The following ANKRD30B variants were observed in gnomAD, a reference collection of about 807,000 sequenced individuals.
ANKRD30B encodes ankyrin repeat domain-containing protein 30B.
A neutral mutation model predicts 202.2 loss-of-function variants in ANKRD30B; 144 were observed. The observed-to-expected ratio is 0.71, with a 90% CI of 0.62 to 0.82. The LOEUF (loss-of-function observed/expected upper bound fraction) is 0.82, where lower values mean the gene tolerates loss of function less well. ANKRD30B is among the 40% of genes least tolerant of loss of function. ANKRD30B has a pLI of 0.00. For missense variants in ANKRD30B, 1,487 were observed against 1,669.1 expected (o/e 0.89, Z 1.90); for synonymous variants, 508 against 561.3 (o/e 0.91, Z 1.34).
At chr18:14,797,298 T>C (rs1311035485) in intron 18 of ANKRD30B, among the ~76,000 whole-genome samples, 2 of 152,140 alleles carry the variant, frequency 1.3e-5, no homozygotes, top group African/African-American at 4.8e-5. Flanking sequence ...ACAGGAATCT[T>C]GGTGACGCGA....
chr18:14,759,762 T>A (rs1029456974), intron 5 of ANKRD30B, among the ~76,000 whole-genome samples: 7 of 152,214 alleles, frequency 4.6e-5, no homozygotes, highest in Admixed American at 3.9e-4. Flanking sequence ...CAAATAAATT[T>A]CATTACAAAT....
chr18:14,794,954 A>G (rs1347374463), intron 16 of ANKRD30B, among the ~76,000 whole-genome samples: 4 of 152,230 alleles, frequency 2.6e-5, no homozygotes, highest in South Asian at 2.1e-4. Context: ...TCTATTTCAA[A>G]GAAATGTCTG....
At chr18:14,796,756 G>A (rs532076869) in intron 18 of ANKRD30B, among the ~76,000 whole-genome samples, 7 of 146,306 alleles carry the variant, frequency 4.8e-5, no homozygotes, top group Admixed American at 1.4e-4. Flanking sequence ...CCACCTTGTC[G>A]TCCCGTAGTG....
intron 41 of ANKRD30B, 59 bp from the exon 42 acceptor site, chr18:14,851,450 G>A (rs1243522551): frequency 2.1e-6 from 3 of 1,436,204 alleles, no homozygotes; most frequent in African/African-American, 2.9e-5. Context: ...TAATTTCAGA[G>A]GAACTATGAT....
chr18:14,907,175 G>C, the ANKRD30B span, among the ~76,000 whole-genome samples: 2 of 151,956 alleles, frequency 1.3e-5, no homozygotes, highest in Non-Finnish European at 2.9e-5. Flanking sequence ...AGGCAGGTCC[G>C]ACCCCCACTC....
intron 30 of ANKRD30B, among the ~76,000 whole-genome samples, chr18:14,815,881 G>A (rs1598664207): frequency 6.6e-6 from 1 of 152,054 alleles, no homozygotes; most frequent in South Asian, 2.1e-4. Flanking sequence ...AAGCTACAAA[G>A]TACAAAAATG....
At chr18:14,754,629 T>C (rs1372392062) in intron 3 of ANKRD30B, among the ~76,000 whole-genome samples, 1 of 152,160 alleles carries the variant, frequency 6.6e-6, no homozygotes, top group African/African-American at 2.4e-5. Context: ...CATGAAGCTC[T>C]TGGTTTAGAT....
At chr18:14,752,490 T>C (rs1598557775) in intron 1 of ANKRD30B, 76 bp from the exon 2 acceptor site, 1 of 1,088,924 alleles carries the variant, frequency 9.2e-7, no homozygotes, top group East Asian at 2.5e-5. Context: ...GTATTTAATG[T>C]TTACAATTAC....
At chr18:14,809,672 C>T (rs573154182) in intron 26 of ANKRD30B, among the ~76,000 whole-genome samples, 3 of 150,982 alleles carry the variant, frequency 2.0e-5, no homozygotes, top group Non-Finnish European at 4.4e-5. Flanking sequence ...AGGCTCTCTG[C>T]AGGGGGAAAC....
the ANKRD30B span, among the ~76,000 whole-genome samples, chr18:14,874,674 ACCCT>A: frequency 2.6e-4 from 40 of 152,222 alleles, no homozygotes; most frequent in Middle Eastern, 3.4e-3. Flanking sequence ...CCTCTTGGCC[ACCCT>A]CCCGAAGTTG....
intron 33 of ANKRD30B, among the ~76,000 whole-genome samples, chr18:14,829,616 C>T (rs1029214187): frequency 6.6e-6 from 1 of 151,874 alleles, no homozygotes; most frequent in Non-Finnish European, 1.5e-5. Context: ...AATTAGAGGA[C>T]CAAAAACACA....
intron 4 of ANKRD30B, among the ~76,000 whole-genome samples, chr18:14,755,896 T>C (rs1914273569): frequency 6.6e-6 from 1 of 152,192 alleles, no homozygotes; most frequent in Admixed American, 6.5e-5. Flanking sequence ...CAGCATGATT[T>C]AGAGTCCTTT....
At chr18:14,898,159 T>C in the ANKRD30B span, among the ~76,000 whole-genome samples, 2 of 152,198 alleles carry the variant, frequency 1.3e-5, no homozygotes, top group African/African-American at 4.8e-5. Flanking sequence ...CATACCATTG[T>C]CTGAAATATA....
intron 32 of ANKRD30B, 90 bp from the exon 33 acceptor site, chr18:14,828,188 A>G (rs546003517): frequency 1.2e-5 from 11 of 939,338 alleles, no homozygotes; most frequent in African/African-American, 1.7e-5. Context: ...GATTACAGGC[A>G]TGTGCCATCG....
chr18:14,824,287 G>A (rs1466101975), intron 32 of ANKRD30B, among the ~76,000 whole-genome samples: 1 of 152,214 alleles, frequency 6.6e-6, no homozygotes, highest in Non-Finnish European at 1.5e-5. Flanking sequence ...ATTGAAGTGG[G>A]AATATTTACT....
chr18:14,820,384 A>T (rs1003758359), intron 30 of ANKRD30B, among the ~76,000 whole-genome samples: 1 of 152,210 alleles, frequency 6.6e-6, no homozygotes, highest in South Asian at 2.1e-4. Flanking sequence ...CCCTGGCCAG[A>T]ACTTCCAACA....
At chr18:14,880,066 G>A in the ANKRD30B span, among the ~76,000 whole-genome samples, 1 of 152,020 alleles carries the variant, frequency 6.6e-6, no homozygotes, top group South Asian at 2.1e-4. Flanking sequence ...TATAAGGTGA[G>A]AGATGAGAAT....
chr18:14,847,086 A>G (rs1461149641), intron 39 of ANKRD30B, among the ~76,000 whole-genome samples: 2 of 134,484 alleles, frequency 1.5e-5, no homozygotes, highest in Non-Finnish European at 3.2e-5. Flanking sequence ...ATATATATAT[A>G]TATATATGTA....
intron 24 of ANKRD30B, among the ~76,000 whole-genome samples, chr18:14,807,553 A>G (rs542640741): frequency 0.012 from 1,713 of 148,090 alleles, 61 homozygotes; most frequent in Non-Finnish European, 0.014. Context: ...TTTTGTTGAG[A>G]CAGAGTCTCG....
Sources: allele counts gnomAD v4.1 joint callset (sites outside exome capture counted in the v4.1 genomes callset), GRCh38; gene constraint gnomAD v4.1.1; transcripts MANE v1.5; gene names NCBI Gene and HGNC (gene_info 2026-07-23, HGNC 2026-07-21).